Variants in ELFN1 observed in about 807,000 individuals in gnomAD.
ELFN1 encodes the protein protein ELFN1.
ELFN1 carries 6 observed loss-of-function variants against 7.6 expected under a neutral mutation model. The ratio of observed to expected loss-of-function variants is 0.79; its 90% CI spans 0.43 to 1.56. ELFN1 has a LOEUF of 1.56. Ranked by LOEUF, ELFN1 falls within the 40% of genes most tolerant of loss-of-function variation. ELFN1 has a pLI of 0.01. For synonymous variants in ELFN1, 657 were observed against 588.1 expected (o/e 1.12, Z -1.70); for missense variants, 1,169 against 1,232.2 (o/e 0.95, Z 0.77).
chr7:1,668,782 T>C (rs1447228889), upstream of ELFN1, among the ~76,000 whole-genome samples: 1 of 152,210 alleles, frequency 6.6e-6, no homozygotes, highest in Non-Finnish European at 1.5e-5. Flanking sequence ...GCTCTGACCG[T>C]GGTCCAGGTC....
In ELFN1 at chr7:1,695,468, G is replaced by A. The variant is rs1043269213; in HGVS notation, c.-456+7318G>A. On this transcript the variant is annotated intron_variant, in intron 2 of 3. Coordinates refer to ENST00000424383, the MANE Select transcript of ELFN1 (RefSeq NM_001128636.4). The surrounding 1 kb of genome is among the most constrained non-coding windows in gnomAD (Gnocchi z 5.1). ...ACCCCACTTTGAAAACTGTGCAGCC[G>A]TGCGCGGCCACTCACACCTGTAATT... is the stretch of plus-strand genomic sequence containing the variant. 4.6e-5 allele frequency among the ~76,000 whole-genome samples: 7 copies of A among 152,286 alleles called. No homozygotes were observed. Among genetic ancestry groups the A allele is most frequent in the Admixed American group, 1.3e-4 (2 of 15,300 alleles).
rs527377932 is a variant in ELFN1, at chr7:1,745,426, C to T, written c.830C>T (p.Pro277Leu). 3.3e-5 allele frequency: 51 copies of T among 1,539,432 alleles called. No individual in the cohort carries two copies. The Admixed American group carries it at 3.3e-4, about 10-fold the overall frequency. Residue 277 changes from proline to leucine, a missense_variant, in exon 4 of 4, where the codon CCG (proline) becomes CTG (leucine). Pro to Leu is a moderately conservative substitution (Grantham distance 98, BLOSUM62 -3). Around this residue, in one of 2 missense-constraint regions of ELFN1, gnomAD observed 914 missense variants for 872.6 expected, o/e 1.05. Transcript: ENST00000424383. ...CGCTCACAGCCGGGCCGCTCCCCGC[C>T]GCCCCCGCCTCCGCCGGAGCCCAGT... ...SGRSQPGRSP[P>L]PPPPPEPSDM...
At chr7:1,682,173 G>C (rs1357416705) in intron 1 of ELFN1, among the ~76,000 whole-genome samples, 2 of 151,990 alleles carry the variant, frequency 1.3e-5, no homozygotes, top group African/African-American at 4.8e-5. Flanking sequence ...TCATATTTAG[G>C]AATCGTTTGC....
intron 3 of ELFN1, among the ~76,000 whole-genome samples, chr7:1,712,169 T>A (rs1206644596): frequency 2.6e-5 from 4 of 152,124 alleles, no homozygotes; most frequent in African/African-American, 4.8e-5. Context: ...CCCCCAAGTT[T>A]GTCTGTTTCT....
chr7:1,720,713 C>A (rs1779994520), intron 3 of ELFN1, among the ~76,000 whole-genome samples: 1 of 152,068 alleles, frequency 6.6e-6, no homozygotes, highest in Non-Finnish European at 1.5e-5. Flanking sequence ...GTGGTGGGAT[C>A]CCTTCCTCCC....
intron 1 of ELFN1, among the ~76,000 whole-genome samples, chr7:1,687,135 G>A (rs58637248): frequency 0.017 from 2,564 of 152,160 alleles, 75 homozygotes; most frequent in African/African-American, 0.058. Flanking sequence ...GGGGAGGTGC[G>A]GGGGGAGATG....
rs932555679 is a variant in ELFN1, at chr7:1,724,439, C to T, written c.-294+15187C>T. ...GCCCCACCTCCCTGCTGGCTGGCTA[C>T]GTGGGTGTGAGTTTTGCCCTGTGTG... On this transcript the variant is annotated intron_variant, in intron 3 of 3. Coordinates refer to ENST00000424383, the MANE Select transcript of ELFN1 (RefSeq NM_001128636.4). 1.3e-5 allele frequency among the ~76,000 whole-genome samples: 2 copies of T among 152,280 alleles called. 1 individual carries two copies. The highest frequency in any genetic ancestry group is 3.9e-4 in the East Asian group (2 of 5,170).
At chr7:1,715,787 T>C (rs1377804222) in intron 3 of ELFN1, among the ~76,000 whole-genome samples, 1 of 152,188 alleles carries the variant, frequency 6.6e-6, no homozygotes, top group African/African-American at 2.4e-5. Context: ...GGGCAGGACC[T>C]GGAGATTCCC....
chr7:1,744,426 G>A lies in ELFN1; in HGVS notation c.-171G>A, dbSNP rs564122551. The A allele has an allele frequency of 2.6e-5, 19 of 718,360 alleles. No homozygotes were observed. Among genetic ancestry groups the A allele is most frequent in the South Asian group, 2.0e-4 (9 of 45,436 alleles). The allele number at this position is 718,360 out of a possible 1,614,324, so 44.5% of individuals were successfully genotyped here. ...AGAGGCGGCCGGCCGTGAGGGAGGC[G>A]CCCTCCCTCCCCGCGCTTACGTCGC... is the stretch of plus-strand genomic sequence containing the variant. On this transcript the variant is annotated 5_prime_UTR_variant, in exon 4 of 4. Transcript: ENST00000424383.
intron 3 of ELFN1, among the ~76,000 whole-genome samples, chr7:1,744,090 T>C (rs1019034929): frequency 2.0e-5 from 3 of 152,096 alleles, no homozygotes; most frequent in Admixed American, 6.5e-5. Context: ...GGGTGAAGCA[T>C]TTCCTCCGCT....
intron 2 of ELFN1, among the ~76,000 whole-genome samples, chr7:1,708,806 G>A (rs1210343668): frequency 1.1e-4 from 17 of 152,156 alleles, no homozygotes; most frequent in African/African-American, 4.1e-4. Flanking sequence ...AGTGACCCCA[G>A]GTCTGGCAAC....
intron 1 of ELFN1, among the ~76,000 whole-genome samples, chr7:1,683,316 G>C (rs1779007867): frequency 6.6e-6 from 1 of 151,960 alleles, no homozygotes; most frequent in Admixed American, 6.6e-5. Context: ...TTTTTAACTT[G>C]TTATGTCTTA....
intron 3 of ELFN1, among the ~76,000 whole-genome samples, chr7:1,742,906 C>T (rs1420406379): frequency 2.0e-5 from 3 of 152,214 alleles, no homozygotes; most frequent in Non-Finnish European, 4.4e-5. Flanking sequence ...TAGTTGCAAA[C>T]GTCAATATCA....
At chr7:1,684,434 T>G (rs1255218726) in intron 1 of ELFN1, among the ~76,000 whole-genome samples, 2 of 152,194 alleles carry the variant, frequency 1.3e-5, no homozygotes, top group Non-Finnish European at 2.9e-5. Context: ...TCTCTGCTTT[T>G]TATTTGGTCT....
At chr7:1,731,838 C>T (rs1452931638) in intron 3 of ELFN1, among the ~76,000 whole-genome samples, 1 of 152,106 alleles carries the variant, frequency 6.6e-6, no homozygotes, top group Non-Finnish European at 1.5e-5. Flanking sequence ...TTAGTAGAGA[C>T]GGGGTTTTGC....
chr7:1,695,166 G>A lies in ELFN1; in HGVS notation c.-456+7016G>A, dbSNP rs1779274982. 6.6e-6 allele frequency among the ~76,000 whole-genome samples: 1 copy of A among 152,236 alleles called. No individual in the cohort carries two copies. The highest frequency in any genetic ancestry group is 6.5e-5 in the Admixed American group (1 of 15,282). ...TCTGTGGCTCCAGAGCTCATGCGCA[G>A]CCCGCTGGGGCTGTGAGGGTTCTGT... On this transcript the variant is annotated intron_variant, in intron 2 of 3. Transcript: ENST00000424383. The surrounding 1 kb of genome is among the most constrained non-coding windows in gnomAD (Gnocchi z 5.1).
chr7:1,682,220 C>T lies in ELFN1; in HGVS notation c.-548-5838C>T, dbSNP rs1313095728. ...TCACAAAGATTTCTTCCGTTTTCTTCTAGGACGTTTATAGCCTTAGCTCTT... is the reference window on the plus strand; with the variant it reads ...TCACAAAGATTTCTTCCGTTTTCTTTTAGGACGTTTATAGCCTTAGCTCTT... On this transcript the variant is annotated intron_variant, in intron 1 of 3. Coordinates refer to ENST00000424383, the MANE Select transcript of ELFN1 (RefSeq NM_001128636.4). Among the ~76,000 whole-genome samples, 3 of 152,264 alleles carry T rather than the reference C, an allele frequency of 2.0e-5. No homozygotes were observed. The East Asian group carries it at 5.8e-4, about 29-fold the overall frequency.
chr7:1,737,114 C>G (rs1319883094), intron 3 of ELFN1, among the ~76,000 whole-genome samples: 1 of 152,144 alleles, frequency 6.6e-6, no homozygotes, highest in Non-Finnish European at 1.5e-5. Context: ...CACACCCCCT[C>G]TCCCTGGGAT....
chr7:1,675,380 G>A (rs1038963775), intron 1 of ELFN1, among the ~76,000 whole-genome samples: 9 of 152,252 alleles, frequency 5.9e-5, no homozygotes, highest in Non-Finnish European at 1.0e-4. Flanking sequence ...TTGCTGCCCT[G>A]ACATTTGGAG....
Sources: allele counts gnomAD v4.1 joint callset (sites outside exome capture counted in the v4.1 genomes callset), GRCh38; gene constraint gnomAD v4.1.1; regional missense constraint gnomAD v4.1.1; non-coding constraint Gnocchi (gnomAD v3.1); transcripts MANE v1.5; gene names NCBI Gene and HGNC (gene_info 2026-07-23, HGNC 2026-07-21).